ABI1: variants seen among roughly 807,000 people sequenced by gnomAD.
The protein encoded by ABI1 is Abelson interactor 1.
In ABI1, 14 loss-of-function variants were observed where a neutral mutation model predicts 54.6. That is an observed-to-expected ratio of 0.26 (90% CI 0.17 to 0.40). The LOEUF is 0.40. Among genes scored for constraint, ABI1 ranks in the 10% least tolerant of loss-of-function variants. The pLI, the probability that ABI1 is intolerant of heterozygous loss-of-function variation, is 1.00. For missense variants in ABI1, 443 were observed against 598.3 expected (o/e 0.74, Z 2.71); for synonymous variants, 194 against 209.3 (o/e 0.93, Z 0.63).
chr10:26,809,134 G>A (rs1340295925), intron 2 of ABI1, among the ~76,000 whole-genome samples: 1 of 151,990 alleles, frequency 6.6e-6, no homozygotes, highest in African/African-American at 2.4e-5. Context: ...GCCGAGCATG[G>A]TGGTGGGCGC....
intron 7 of ABI1, among the ~76,000 whole-genome samples, chr10:26,762,634 G>A (rs1489156277): frequency 2.0e-5 from 3 of 152,134 alleles, no homozygotes; most frequent in African/African-American, 7.2e-5. Context: ...TTCATTAGGA[G>A]TCAAAGCAAT....
At chr10:26,770,690 T>C (rs1366097525) in intron 4 of ABI1, 2 of 540,762 alleles carry the variant, frequency 3.7e-6, no homozygotes, top group African/African-American at 3.8e-5. Context: ...AAACTATAGA[T>C]CTTACTTGTC....
intron 1 of ABI1, among the ~76,000 whole-genome samples, chr10:26,849,609 A>G (rs2050241011): frequency 6.6e-6 from 1 of 152,248 alleles, no homozygotes; most frequent in Non-Finnish European, 1.5e-5. Flanking sequence ...AGACTTGAGC[A>G]TTTGGCAGAC....
intron 2 of ABI1, among the ~76,000 whole-genome samples, chr10:26,815,222 T>C (rs182715760): frequency 5.9e-5 from 9 of 152,326 alleles, no homozygotes; most frequent in Admixed American, 1.3e-4. Flanking sequence ...AGCCTGTTTT[T>C]ATGTAAATTT....
At chr10:26,760,081 T>TA (rs1194383712) in intron 7 of ABI1, among the ~76,000 whole-genome samples, 7 of 150,128 alleles carry the variant, frequency 4.7e-5, no homozygotes, top group Admixed American at 2.0e-4. Flanking sequence ...GAATCTGCTT[T>TA]TAAAAAAAAA....
At chr10:26,757,197 C>G (rs1180020381) in intron 8 of ABI1, among the ~76,000 whole-genome samples, 1 of 151,908 alleles carries the variant, frequency 6.6e-6, no homozygotes, top group East Asian at 1.9e-4. Flanking sequence ...ACACTAAAAA[C>G]ATTCACGTAC....
At chr10:26,770,745 A>G (rs1427913514) in intron 4 of ABI1, among the ~76,000 whole-genome samples, 1 of 152,226 alleles carries the variant, frequency 6.6e-6, no homozygotes, top group Non-Finnish European at 1.5e-5. Flanking sequence ...CATCCTAACA[A>G]TTCAGTAACA....
At position 26,747,181 on chromosome 10, in the gene ABI1, T is replaced by C. The variant is rs576160415; in HGVS notation, c.*1389A>G. The C allele has an allele frequency of 4.5e-6, 1 of 224,548 alleles. No individual in the cohort carries two copies. The highest frequency in any genetic ancestry group is 2.2e-5 in the African/African-American group (1 of 44,962). The allele number at this position is 224,548 out of a possible 1,614,324, so 13.9% of individuals were successfully genotyped here. ...TGTAGCATCCAGTACATAACTGTAA[T>C]TTGAATTCCAAACAAATCCTCAATA... On this transcript the variant is annotated 3_prime_UTR_variant, in exon 11 of 11. Coordinates refer to ENST00000376140, the MANE Select transcript of ABI1 (RefSeq NM_001012750.3).
At chr10:26,807,007 C>CT (rs1228624800) in intron 2 of ABI1, among the ~76,000 whole-genome samples, 7 of 152,040 alleles carry the variant, frequency 4.6e-5, no homozygotes, top group Non-Finnish European at 1.0e-4. Flanking sequence ...GAATATTGGC[C>CT]ATGTTTTCAT....
At chr10:26,820,270 GT>G (rs2047884931) in intron 2 of ABI1, among the ~76,000 whole-genome samples, 1 of 152,000 alleles carries the variant, frequency 6.6e-6, no homozygotes, top group South Asian at 2.1e-4. Flanking sequence ...CAATGTATAT[GT>G]ATATCAAAAC....
intron 2 of ABI1, among the ~76,000 whole-genome samples, chr10:26,785,929 G>C (rs914810146): frequency 6.6e-6 from 1 of 152,012 alleles, no homozygotes; most frequent in Non-Finnish European, 1.5e-5. Context: ...TTGGCAAACT[G>C]GCACAAATGC....
intron 10 of ABI1, 62 bp downstream of exon 10, chr10:26,751,536 T>A (rs1196762178): frequency 6.6e-7 from 1 of 1,510,670 alleles, no homozygotes; most frequent in African/African-American, 1.4e-5. Flanking sequence ...ATGTTCTTTA[T>A]AGTTCTAAAT....
chr10:26,761,578 T>G (rs1839164594), intron 7 of ABI1, among the ~76,000 whole-genome samples: 1 of 142,102 alleles, frequency 7.0e-6, no homozygotes, highest in Admixed American at 7.1e-5. Flanking sequence ...CCACAAGGTG[T>G]ATGTTAAACA....
At chr10:26,849,247 G>C (rs1007083114) in intron 1 of ABI1, among the ~76,000 whole-genome samples, 4 of 151,968 alleles carry the variant, frequency 2.6e-5, no homozygotes, top group African/African-American at 9.7e-5. Flanking sequence ...CCTCTTAGAG[G>C]TAATCAAGGC....
chr10:26,857,320 CAAAAAAAA>C (rs71403897), intron 1 of ABI1, among the ~76,000 whole-genome samples: 1 of 75,906 alleles, frequency 1.3e-5, no homozygotes, highest in South Asian at 3.3e-4. Flanking sequence ...GACTCCATCT[CAAAAAAAA>C]AAAAAAAAAA....
At chr10:26,838,949 T>C (rs529181676) in intron 1 of ABI1, among the ~76,000 whole-genome samples, 1 of 152,308 alleles carries the variant, frequency 6.6e-6, no homozygotes, top group African/African-American at 2.4e-5. Context: ...TAATGTGGCC[T>C]CTATGATGAA....
At chr10:26,846,585 G>C (rs2049997388) in intron 1 of ABI1, among the ~76,000 whole-genome samples, 1 of 151,776 alleles carries the variant, frequency 6.6e-6, no homozygotes. Flanking sequence ...TCAAGCGATG[G>C]GCCCACCTTG....
At chr10:26,767,391 C>T (rs551489021) in intron 6 of ABI1, among the ~76,000 whole-genome samples, 1 of 152,204 alleles carries the variant, frequency 6.6e-6, no homozygotes, top group South Asian at 2.1e-4. Context: ...CTCTCATTTA[C>T]CAACCTAAGA....
intron 9 of ABI1, among the ~76,000 whole-genome samples, chr10:26,754,950 C>G (rs2279173): frequency 0.02 from 3,103 of 151,816 alleles, 72 homozygotes; most frequent in African/African-American, 0.065. Context: ...TCTCCCCCCC[C>G]ACAAAAAAAA....
Sources: allele counts gnomAD v4.1 joint callset (sites outside exome capture counted in the v4.1 genomes callset), GRCh38; gene constraint gnomAD v4.1.1; transcripts MANE v1.5; gene names NCBI Gene and HGNC (gene_info 2026-07-23, HGNC 2026-07-21).